The following ERC1 variants were observed in gnomAD, a reference collection of about 807,000 sequenced individuals.
ERC1 encodes ELKS/RAB6-interacting/CAST family member 1.
Under a neutral mutation model 132.0 loss-of-function variants are expected in ERC1, and 56 were observed. The ratio of observed to expected loss-of-function variants is 0.42; its 90% CI spans 0.34 to 0.53. ERC1 has a LOEUF of 0.53. Among genes scored for constraint, ERC1 ranks in the 20% least tolerant of loss-of-function variants. ERC1 has a pLI of 0.03. For synonymous variants in ERC1, 478 were observed against 476.1 expected (o/e 1.00, Z -0.05); for missense variants, 1,202 against 1,349.9 (o/e 0.89, Z 1.72).
chr12:1,189,342 A>G (rs993536838), intron 11 of ERC1, among the ~76,000 whole-genome samples: 2 of 152,214 alleles, frequency 1.3e-5, no homozygotes, highest in African/African-American at 4.8e-5. Context: ...TCACATTTTT[A>G]TGGCATCACA....
intron 17 of ERC1, among the ~76,000 whole-genome samples, chr12:1,425,009 C>T (rs924819621): frequency 6.6e-6 from 1 of 152,128 alleles, no homozygotes; most frequent in African/African-American, 2.4e-5. Flanking sequence ...TTCTTAAATC[C>T]TTAAAACCTA....
intron 15 of ERC1, among the ~76,000 whole-genome samples, chr12:1,348,377 G>A (rs2084680017): frequency 6.6e-6 from 1 of 152,146 alleles, no homozygotes; most frequent in Non-Finnish European, 1.5e-5. Context: ...TGAAGAATCA[G>A]CTTAAGGGGA....
chr12:1,318,887 C>T (rs988018510), intron 15 of ERC1, among the ~76,000 whole-genome samples: 10 of 152,094 alleles, frequency 6.6e-5, no homozygotes, highest in South Asian at 6.2e-4. Context: ...TGCTGAGAAG[C>T]TCAGTGTTTG....
chr12:1,295,555 G>A (rs1469453187), intron 15 of ERC1, among the ~76,000 whole-genome samples: 2 of 151,980 alleles, frequency 1.3e-5, no homozygotes, highest in Non-Finnish European at 2.9e-5. Context: ...AGTCAACATG[G>A]AGAAATCCTT....
At chr12:1,194,178 G>A (rs1594115886) in intron 12 of ERC1, among the ~76,000 whole-genome samples, 1 of 152,196 alleles carries the variant, frequency 6.6e-6, no homozygotes, top group African/African-American at 2.4e-5. Context: ...CCAGCACTTT[G>A]AGAGGCCTGA....
At chr12:1,289,366 A>T (rs2079270806) in intron 14 of ERC1, among the ~76,000 whole-genome samples, 1 of 151,882 alleles carries the variant, frequency 6.6e-6, no homozygotes, top group South Asian at 2.1e-4. Flanking sequence ...TTTAAAAAGA[A>T]ATTCTTCTTA....
At chr12:1,300,568 TA>T (rs1323345556) in intron 15 of ERC1, among the ~76,000 whole-genome samples, 2 of 152,082 alleles carry the variant, frequency 1.3e-5, no homozygotes, top group East Asian at 3.9e-4. Context: ...GACAAAGGTT[TA>T]ATATCCAGCA....
intron 18 of ERC1, among the ~76,000 whole-genome samples, chr12:1,467,448 C>T (rs922809335): frequency 6.6e-6 from 1 of 152,120 alleles, no homozygotes; most frequent in South Asian, 2.1e-4. Flanking sequence ...GATTAAAAAC[C>T]AGCTTAACCT....
intron 18 of ERC1, among the ~76,000 whole-genome samples, chr12:1,482,139 G>C (rs76853879): frequency 0.019 from 2,945 of 152,236 alleles, 105 homozygotes; most frequent in African/African-American, 0.067. Context: ...GCCAGCCCGG[G>C]GGCCTTTGTC....
intron 15 of ERC1, among the ~76,000 whole-genome samples, chr12:1,294,508 G>A (rs954051609): frequency 2.0e-5 from 3 of 152,122 alleles, no homozygotes; most frequent in African/African-American, 7.2e-5. Flanking sequence ...TATGGTTCAC[G>A]TGTAAAAATG....
chr12:1,145,019 A>G (rs149025784), intron 8 of ERC1, among the ~76,000 whole-genome samples: 1 of 151,208 alleles, frequency 6.6e-6, no homozygotes, highest in Non-Finnish European at 1.5e-5. Context: ...TTAGTGATGC[A>G]GAGCTTTTTT....
rs532461089 is a variant in ERC1, at chr12:1,174,885, A to G, written c.1738-5655A>G. On this transcript the variant is annotated intron_variant, in intron 8 of 18. Transcript: ENST00000360905. ...ACAGCTGGTTAAACATGTAAACACC[A>G]AGGCATTGTGTTCTGTATATACAGG... Among the ~76,000 whole-genome samples the G allele has an allele frequency of 2.0e-3, 302 of 152,314 alleles. 1 individual carries two copies. The highest frequency in any genetic ancestry group is 6.8e-3 in the African/African-American group (284 of 41,582).
chr12:1,050,569 C>T (rs1370342242), intron 2 of ERC1, among the ~76,000 whole-genome samples: 1 of 152,044 alleles, frequency 6.6e-6, no homozygotes, highest in Non-Finnish European at 1.5e-5. Context: ...TTTTTGTTTG[C>T]TTACCATCTA....
intron 18 of ERC1, among the ~76,000 whole-genome samples, chr12:1,455,946 A>G (rs1480916738): frequency 6.6e-6 from 1 of 152,206 alleles, no homozygotes; most frequent in African/African-American, 2.4e-5. Context: ...CGATATCCAC[A>G]GGTGCAGATA....
At chr12:1,368,488 G>A (rs2086871049) in intron 15 of ERC1, among the ~76,000 whole-genome samples, 1 of 151,962 alleles carries the variant, frequency 6.6e-6, no homozygotes, top group Admixed American at 6.5e-5. Context: ...CCTCTGAAAA[G>A]CTGAGTGTTT....
At chr12:1,284,052 C>A (rs1307897558) in intron 14 of ERC1, among the ~76,000 whole-genome samples, 1 of 152,156 alleles carries the variant, frequency 6.6e-6, no homozygotes, top group African/African-American at 2.4e-5. Flanking sequence ...CCCTTCATCC[C>A]CCTCTCCCTC....
At chr12:1,294,634 G>A (rs2079773087) in intron 15 of ERC1, among the ~76,000 whole-genome samples, 1 of 152,018 alleles carries the variant, frequency 6.6e-6, no homozygotes, top group Non-Finnish European at 1.5e-5. Flanking sequence ...CTCTGTTGGA[G>A]GTATAGGATC....
chr12:1,494,762 CTGT>C lies in ERC1; in HGVS notation c.*4538_*4540del, dbSNP rs2094345881. ...GAGAATTGGGGCAGTTACATTGTGTCTGTTGTTGAGATTATTAAAAGATTAAAA... is the reference window on the plus strand; with the variant it reads ...GAGAATTGGGGCAGTTACATTGTGTCTGTTGAGATTATTAAAAGATTAAAA... On this transcript the variant is annotated 3_prime_UTR_variant, in exon 19 of 19. Coordinates refer to ENST00000360905, the MANE Select transcript of ERC1 (RefSeq NM_178040.4). The C allele has an allele frequency of 4.3e-6, 1 of 230,462 alleles. No homozygotes were observed. The highest frequency in any genetic ancestry group is 2.2e-5 in the African/African-American group (1 of 45,150). 14.3% of individuals were successfully genotyped at this position (230,462 alleles called of 1,614,324 possible).
At chr12:1,235,911 C>T (rs896836553) in intron 12 of ERC1, among the ~76,000 whole-genome samples, 16 of 152,138 alleles carry the variant, frequency 1.1e-4, no homozygotes, top group Admixed American at 9.8e-4. Flanking sequence ...ATGCAATTGT[C>T]ATCTTCTGGG....
Sources: gnomAD v4.1 joint callset for allele counts (sites outside exome capture counted in the v4.1 genomes callset) on GRCh38, gnomAD v4.1.1 for gene constraint, MANE v1.5 for transcripts, NCBI Gene and HGNC (gene_info 2026-07-23, HGNC 2026-07-21) for gene names.